Variants in DNAH8 observed in about 807,000 individuals in gnomAD.
The protein encoded by DNAH8 is axonemal beta dynein heavy chain 8.
DNAH8 carries 382 observed loss-of-function variants against 562.1 expected under a neutral mutation model. That is an observed-to-expected ratio of 0.68 (90% CI 0.63 to 0.74). The LOEUF is 0.74. DNAH8 is among the 30% of genes least tolerant of loss of function. The pLI is 0.00. For synonymous variants in DNAH8, 1,881 were observed against 1,919.4 expected, an observed-to-expected ratio of 0.98 and a Z score of 0.52; for missense variants, 5,203 against 5,620.4, an observed-to-expected ratio of 0.93 and a Z score of 2.37.
At chr6:39,017,258 T>C (rs924873116) in intron 91 of DNAH8, among the ~76,000 whole-genome samples, 2 of 152,234 alleles carry the variant, frequency 1.3e-5, no homozygotes, top group African/African-American at 4.8e-5. Flanking sequence ...GGCCCTGGTC[T>C]GTTTTTCCCG....
chr6:38,790,989 A>G (rs906792484), intron 20 of DNAH8, among the ~76,000 whole-genome samples: 2 of 152,198 alleles, frequency 1.3e-5, no homozygotes, highest in Non-Finnish European at 2.9e-5. Flanking sequence ...TAGACTGTCA[A>G]AAGTGGCAGA....
rs371067614 is a variant in DNAH8 at position 38,939,966 on chromosome 6, G to T, written c.12007+978G>T. Among the ~76,000 whole-genome samples, 4 of 152,156 alleles carry T rather than the reference G, an allele frequency of 2.6e-5. No homozygotes were observed. The South Asian group carries it at 6.2e-4, about 24-fold the overall frequency. On this transcript the variant is annotated intron_variant, in intron 79 of 92. Coordinates refer to ENST00000327475, the MANE Select transcript of DNAH8 (RefSeq NM_001206927.2). ...AGAATCAGTCTGGTTTTGTTGAAATGAAAGGTGGATATGGAGGCATACTGA... is the reference window on the plus strand; with the variant it reads ...AGAATCAGTCTGGTTTTGTTGAAATTAAAGGTGGATATGGAGGCATACTGA...
intron 24 of DNAH8, 65 bp from the exon 25 acceptor site, chr6:38,813,989 G>T: frequency 8.8e-7 from 1 of 1,140,566 alleles, no homozygotes; most frequent in Non-Finnish European, 1.3e-6. Flanking sequence ...GAATTTTGTA[G>T]CATAATAAAC....
rs70981590 is a variant in DNAH8 at position 38,818,537 on chromosome 6, C to CAAAAAAAAAAAAAAAAAAA, written c.3523+2896_3523+2897insAAAAAAAAAAAAAAAAAAA. 1.6e-3 allele frequency among the ~76,000 whole-genome samples: 123 copies of CAAAAAAAAAAAAAAAAAAA among 75,754 alleles called. 1 individual carries two copies. The highest frequency in any genetic ancestry group is 3.9e-3 in the East Asian group (8 of 2,046). 49.7% of individuals were successfully genotyped at this position (75,754 alleles called of 152,430 possible). A position where few individuals can be genotyped will look rare whatever the true frequency, so the allele number is the denominator to read the frequency against. On this transcript the variant is annotated intron_variant, in intron 26 of 92. Coordinates refer to ENST00000327475, the MANE Select transcript of DNAH8 (RefSeq NM_001206927.2). ...CAAAATAAGAAAGCAAAAGCAAAAG[C>CAAAAAAAAAAAAAAAAAAA]AAAAAAAAAAAAAAAAGAAGATATG...
chr6:38,945,571 G>A lies in DNAH8; in HGVS notation c.12112G>A (p.Ala4038Thr). 6.2e-7 allele frequency: 1 copy of A among 1,614,070 alleles called. No individual in the cohort carries two copies. Among genetic ancestry groups the A allele is most frequent in the Non-Finnish European group, 8.5e-7 (1 of 1,179,972 alleles). ...LVELSKLPQFAEIMNQISRNE... is the reference protein window; with the variant it reads ...LVELSKLPQFTEIMNQISRNE... ...GGAGCTGAGTAAACTTCCACAATTT[G>A]CAGAAATTATGAACCAGGTAATACA... Residue 4038 changes from alanine to threonine, a missense_variant, in exon 80 of 93, where the codon GCA (alanine) becomes ACA (threonine). Ala to Thr is a moderately conservative substitution (Grantham distance 58). This residue lies in a region of DNAH8 where 1,399 missense variants were observed against 1,518.4 expected (regional missense o/e 0.92). Transcript: ENST00000327475.
At chr6:38,775,610 A>G in intron 12 of DNAH8, 144 bp from the exon 13 acceptor site, 1 of 573,094 alleles carries the variant, frequency 1.7e-6, no homozygotes, top group Non-Finnish European at 3.1e-6. Flanking sequence ...CTTCTGTTTT[A>G]TCTCCTCTGG....
intron 35 of DNAH8, 147 bp from the exon 36 acceptor site, chr6:38,845,427 C>T (rs1283899316): frequency 1.6e-6 from 1 of 622,996 alleles, no homozygotes; most frequent in Non-Finnish European, 2.8e-6. Flanking sequence ...ACACAATGAT[C>T]TGAAGCCTTT....
chr6:39,029,136 G>C (rs1055348809), intron 92 of DNAH8, among the ~76,000 whole-genome samples: 4 of 152,090 alleles, frequency 2.6e-5, no homozygotes, highest in Non-Finnish European at 5.9e-5. Context: ...CTTCAGCTTA[G>C]CACCCAGATC....
chr6:38,797,919 C>T (rs539399975), intron 21 of DNAH8, among the ~76,000 whole-genome samples: 2 of 152,144 alleles, frequency 1.3e-5, no homozygotes, highest in South Asian at 4.1e-4. Context: ...GCTGCCACGC[C>T]AATTCTTCGG....
chr6:39,003,599 A>G (rs1765619147), intron 88 of DNAH8, among the ~76,000 whole-genome samples: 1 of 152,220 alleles, frequency 6.6e-6, no homozygotes, highest in Non-Finnish European at 1.5e-5. Context: ...AATATTAACA[A>G]CAAAATTAGA....
rs761987606 is a variant in DNAH8 at position 38,890,668 on chromosome 6, A to C, written c.8490A>C (p.Gly2830=). 2.5e-6 allele frequency: 4 copies of C among 1,612,044 alleles called. No individual in the cohort carries two copies. In the South Asian group the frequency reaches 4.4e-5, roughly 18 times the overall value. ...IDKIFGIIGC[G]YFDPCRSFKP... ...ATCTTTCAGGAATTATTGGATGTGG[A>C]TACTTTGATCCTTGTAGAAGTTTCA... Residue 2830 remains glycine (G), a synonymous_variant, in exon 58 of 93, where the codon GGA becomes GGC. Transcript: ENST00000327475.
intron 53 of DNAH8, among the ~76,000 whole-genome samples, chr6:38,876,613 G>A (rs1778032603): frequency 6.6e-6 from 1 of 152,130 alleles, no homozygotes; most frequent in African/African-American, 2.4e-5. Context: ...AGAAGCGCAC[G>A]TCACAGGACA....
intron 8 of DNAH8, chr6:38,744,409 T>G (rs981350655): frequency 1.3e-5 from 2 of 152,110 alleles, no homozygotes; most frequent in African/African-American, 4.8e-5. Flanking sequence ...AAAAAAATTT[T>G]TGGGGGGCCA....
chr6:39,021,649 G>A (rs1357296928), intron 91 of DNAH8, among the ~76,000 whole-genome samples: 1 of 152,130 alleles, frequency 6.6e-6, no homozygotes, highest in Non-Finnish European at 1.5e-5. Context: ...TCTCATTTGG[G>A]GGAAAAACTG....
intron 9 of DNAH8, among the ~76,000 whole-genome samples, chr6:38,750,902 T>C (rs929317982): frequency 9.2e-5 from 14 of 152,224 alleles, no homozygotes; most frequent in African/African-American, 3.4e-4. Flanking sequence ...TATGTGTTTA[T>C]GAAGAATGAT....
intron 21 of DNAH8, among the ~76,000 whole-genome samples, chr6:38,799,051 A>G (rs533422609): frequency 6.6e-6 from 1 of 152,244 alleles, no homozygotes; most frequent in Non-Finnish European, 1.5e-5. Flanking sequence ...ACCCAACTGG[A>G]AGTCAGAGAA....
At chr6:38,928,976 A>G (rs114613461) in intron 74 of DNAH8, among the ~76,000 whole-genome samples, 1,957 of 152,304 alleles carry the variant, frequency 0.013, 36 homozygotes, top group Middle Eastern at 0.037. Flanking sequence ...GTGAATGTCT[A>G]GTCTTTTAGG....
intron 11 of DNAH8, among the ~76,000 whole-genome samples, chr6:38,766,139 A>G (rs7764460): frequency 0.12 from 18,749 of 150,822 alleles, 1,397 homozygotes; most frequent in Admixed American, 0.21. Flanking sequence ...ATGTGTTTGT[A>G]TGTGTGTGTG....
At chr6:38,802,507 A>T (rs930254599) in intron 21 of DNAH8, among the ~76,000 whole-genome samples, 3 of 152,260 alleles carry the variant, frequency 2.0e-5, no homozygotes, top group Non-Finnish European at 4.4e-5. Flanking sequence ...ACTAGTTCTC[A>T]ACTTCTTCCT....
Sources: allele counts gnomAD v4.1 joint callset (sites outside exome capture counted in the v4.1 genomes callset), GRCh38; gene constraint gnomAD v4.1.1; regional missense constraint gnomAD v4.1.1; transcripts MANE v1.5; gene names NCBI Gene and HGNC (gene_info 2026-07-23, HGNC 2026-07-21).